FANCA: variants seen among roughly 807,000 people sequenced by gnomAD.
FANCA encodes Fanconi anemia group A protein.
Under a neutral mutation model 194.3 loss-of-function variants are expected in FANCA, and 236 were observed. The ratio of observed to expected loss-of-function variants is 1.21; its 90% CI spans 1.09 to 1.35. The LOEUF is 1.35. FANCA is among the 40% of genes most tolerant of loss of function. FANCA has a pLI of 0.00. For missense variants in FANCA, 2,628 were observed against 1,813.9 expected (o/e 1.45, Z -8.15); for synonymous variants, 1,014 against 715.8 (o/e 1.42, Z -6.65).
At chr16:89,815,228 G>T (rs1243541856) in intron 2 of FANCA, among the ~76,000 whole-genome samples, 1 of 151,700 alleles carries the variant, frequency 6.6e-6, no homozygotes, top group Non-Finnish European at 1.5e-5. Context: ...GTAGTGACGG[G>T]GTTTCACCAT....
chr16:89,804,771 C>T (rs1013691566), intron 7 of FANCA, among the ~76,000 whole-genome samples: 3 of 152,116 alleles, frequency 2.0e-5, no homozygotes, highest in South Asian at 2.1e-4. Context: ...TAGTGGCTCA[C>T]GCCTATAATC....
At chr16:89,744,053 A>G (rs919724452) in intron 36 of FANCA, among the ~76,000 whole-genome samples, 1 of 151,938 alleles carries the variant, frequency 6.6e-6, no homozygotes, top group Non-Finnish European at 1.5e-5. Flanking sequence ...GCACACTATC[A>G]CACCCAGCTC....
chr16:89,813,847 C>T (rs569745306), intron 3 of FANCA, among the ~76,000 whole-genome samples: 3 of 149,060 alleles, frequency 2.0e-5, no homozygotes, highest in South Asian at 4.2e-4. Context: ...TGTGCACGTG[C>T]GTGCATGTAC....
At chr16:89,778,406 C>T in intron 20 of FANCA, 1 of 352,714 alleles carries the variant, frequency 2.8e-6, no homozygotes, top group Non-Finnish European at 5.3e-6. Context: ...GCAGAGCTTG[C>T]AGTGAGCCAA....
At chr16:89,786,092 C>T (rs2039888621) in intron 14 of FANCA, among the ~76,000 whole-genome samples, 1 of 148,730 alleles carries the variant, frequency 6.7e-6, no homozygotes, top group South Asian at 2.2e-4. Context: ...AATCAGGGCT[C>T]ACTGCAACCT....
At chr16:89,810,075 C>A (rs185479000) in intron 5 of FANCA, among the ~76,000 whole-genome samples, 10 of 151,956 alleles carry the variant, frequency 6.6e-5, no homozygotes, top group Non-Finnish European at 1.2e-4. Context: ...GTAATCCCAG[C>A]ACTTTGGGAG....
At chr16:89,773,476 G>T in intron 21 of FANCA, 92 bp from the exon 22 acceptor site, 1 of 944,664 alleles carries the variant, frequency 1.1e-6, no homozygotes, top group Non-Finnish European at 1.7e-6. Context: ...ATACAGAGCT[G>T]TGAACTTCCA....
intron 12 of FANCA, 69 bp downstream of exon 12, chr16:89,792,402 C>T: frequency 2.7e-6 from 4 of 1,500,636 alleles, no homozygotes; most frequent in Non-Finnish European, 1.9e-6. Flanking sequence ...GGCAGCATGA[C>T]AAGTACTAGG....
At chr16:89,770,741 A>AGACCTCCAAAAC in intron 23 of FANCA, 107 bp from the exon 24 acceptor site, 1 of 981,914 alleles carries the variant, frequency 1.0e-6, no homozygotes, top group South Asian at 1.4e-5. Flanking sequence ...CTTTGCAAAA[A>AGACCTCCAAAAC]GACCTCCAAA....
At chr16:89,772,894 A>T (rs2039372379) in intron 22 of FANCA, among the ~76,000 whole-genome samples, 1 of 152,140 alleles carries the variant, frequency 6.6e-6, no homozygotes, top group Non-Finnish European at 1.5e-5. Flanking sequence ...TTTTACAGAA[A>T]ACCATCACAT....
rs1265042428 is a variant in FANCA at position 89,776,149 on chromosome 16, CTTTG to C, written c.1827-338_1827-335del. On this transcript the variant is annotated intron_variant, in intron 20 of 42. Coordinates refer to ENST00000389301, the MANE Select transcript of FANCA (RefSeq NM_000135.4). ...TAATTTCCAAATTCAAAACACGAAT[CTTTG>C]TTTTTCTTTTTTTTTTTTTTTTTTT... Among the ~76,000 whole-genome samples the C allele has an allele frequency of 1.1e-3, 139 of 126,730 alleles. 2 individuals are homozygous for C. The highest frequency in any genetic ancestry group is 2.3e-3 in the Admixed American group (29 of 12,366). 83.1% of individuals were successfully genotyped at this position (126,730 alleles called of 152,430 possible).
In FANCA at chr16:89,738,967, G is replaced by A. The variant is rs770127493; in HGVS notation, c.4175C>T (p.Pro1392Leu). ...RSLELKGQGN[P>L]VELITKARLF... Reference sequence around the variant, plus strand: ...ACGAGCTTTTGTTATCAGTTCCACGGGGTTGCCCTAGAGAGAAAACAGGCA... The same window carrying A: ...ACGAGCTTTTGTTATCAGTTCCACGAGGTTGCCCTAGAGAGAAAACAGGCA... Residue 1392 changes from proline (P) to leucine (L), a missense_variant, in exon 42 of 43, where the codon CCC becomes CTC. Pro to Leu is a moderately conservative substitution (Grantham distance 98, BLOSUM62 -3). Transcript: ENST00000389301. 1 of 1,614,240 alleles carries A rather than the reference G, an allele frequency of 6.2e-7. No individual in the cohort carries two copies.
At chr16:89,774,008 A>G (rs1474236291) in intron 21 of FANCA, among the ~76,000 whole-genome samples, 1 of 151,902 alleles carries the variant, frequency 6.6e-6, no homozygotes, top group East Asian at 1.9e-4. Flanking sequence ...TGACCTCATG[A>G]TTTGCCCGCC....
chr16:89,806,799 C>T (rs969690529), intron 6 of FANCA, among the ~76,000 whole-genome samples: 11 of 152,198 alleles, frequency 7.2e-5, no homozygotes, highest in Non-Finnish European at 1.0e-4. Context: ...TTTCCCCACC[C>T]TTCCCCCCTT....
At chr16:89,798,692 A>C in intron 10 of FANCA, 1 of 1,290,904 alleles carries the variant, frequency 7.7e-7, no homozygotes, top group Non-Finnish European at 9.9e-7. Flanking sequence ...GGAGAGAAAA[A>C]GCTAATAGGG....
chr16:89,742,190 T>C (rs2062149779), intron 37 of FANCA, among the ~76,000 whole-genome samples: 1 of 152,060 alleles, frequency 6.6e-6, no homozygotes, highest in Non-Finnish European at 1.5e-5. Flanking sequence ...TTGCCCAAGC[T>C]GGTCTCAAAC....
intron 35 of FANCA, among the ~76,000 whole-genome samples, chr16:89,745,832 C>A (rs1413575865): frequency 6.6e-6 from 1 of 152,200 alleles, no homozygotes; most frequent in Non-Finnish European, 1.5e-5. Context: ...CCACACTGCC[C>A]TGAGCTGGGA....
intron 36 of FANCA, chr16:89,744,664 T>G: frequency 4.9e-6 from 2 of 404,050 alleles, no homozygotes; most frequent in East Asian, 5.7e-5. Flanking sequence ...TGGCAGAGGC[T>G]GTTTTTTTTT....
At chr16:89,762,857 C>G (rs1244641579) in intron 28 of FANCA, 1 of 383,164 alleles carries the variant, frequency 2.6e-6, no homozygotes, top group African/African-American at 2.1e-5. Flanking sequence ...AATCCCAGCA[C>G]TTTGGGAGGC....
Sources: allele counts gnomAD v4.1 joint callset (sites outside exome capture counted in the v4.1 genomes callset), GRCh38; gene constraint gnomAD v4.1.1; transcripts MANE v1.5; gene names NCBI Gene and HGNC (gene_info 2026-07-23, HGNC 2026-07-21).